CEP85: variants seen among roughly 807,000 people sequenced by gnomAD.
CEP85 encodes the protein centrosomal protein of 85 kDa.
A neutral mutation model predicts 93.7 loss-of-function variants in CEP85; 58 were observed. That is an observed-to-expected ratio of 0.62 (90% CI 0.50 to 0.77). The LOEUF is 0.77. Among genes scored for constraint, CEP85 ranks in the 30% least tolerant of loss-of-function variants. The pLI is 0.00. For missense variants in CEP85, 868 were observed against 922.0 expected, an observed-to-expected ratio of 0.94 and a Z score of 0.76; for synonymous variants, 314 against 338.6, an observed-to-expected ratio of 0.93 and a Z score of 0.80.
chr1:26,244,868 C>T (rs2089485792), intron 3 of CEP85, among the ~76,000 whole-genome samples: 1 of 152,110 alleles, frequency 6.6e-6, no homozygotes, highest in East Asian at 1.9e-4. Context: ...GTCTTTCCCT[C>T]TGCTGCCAGA....
At chr1:26,245,116 C>T (rs966978548) in intron 3 of CEP85, among the ~76,000 whole-genome samples, 2 of 151,664 alleles carry the variant, frequency 1.3e-5, no homozygotes, top group East Asian at 1.9e-4. Context: ...TGCCATCATG[C>T]TCACTGCAGC....
intron 2 of CEP85, among the ~76,000 whole-genome samples, chr1:26,242,107 A>G (rs2124560273): frequency 6.6e-6 from 1 of 152,288 alleles, no homozygotes; most frequent in Middle Eastern, 3.4e-3. Context: ...GTAAACCTCT[A>G]TAAATATACC....
rs1490686583 is a variant in CEP85, at chr1:26,257,587, TG to T, written c.904-9del. 6.2e-7 allele frequency: 1 copy of T among 1,613,860 alleles called. No individual in the cohort carries two copies. Among genetic ancestry groups the T allele is most frequent in the African/African-American group, 1.3e-5 (1 of 74,934 alleles). ...AAGATCAAGCTCATCTGGGCCTACT[TG>T]CCTTTCAGCTTCAGAATGGAGCCAT... On this transcript the variant is annotated splice_polypyrimidine_tract_variant and intron_variant, in intron 4 of 13. Coordinates refer to ENST00000451429, the MANE Select transcript of CEP85 (RefSeq NM_001319944.2).
intron 12 of CEP85, 54 bp downstream of exon 12, chr1:26,275,125 T>G: frequency 7.4e-7 from 1 of 1,344,938 alleles, no homozygotes; most frequent in Non-Finnish European, 1.0e-6. Flanking sequence ...CCGATTTCTT[T>G]GTTTGCCCTC....
intron 7 of CEP85, among the ~76,000 whole-genome samples, chr1:26,266,715 T>C (rs1226907243): frequency 1.3e-5 from 2 of 152,264 alleles, no homozygotes; most frequent in African/African-American, 4.8e-5. Context: ...TGCATCACTT[T>C]TTCTGTTTTC....
intron 3 of CEP85, among the ~76,000 whole-genome samples, chr1:26,246,466 G>C (rs2089510184): frequency 6.6e-6 from 1 of 152,148 alleles, no homozygotes; most frequent in Non-Finnish European, 1.5e-5. Context: ...AGATGTAGGG[G>C]CTGATGTCTA....
chr1:26,258,297 AT>A (rs769736092), intron 6 of CEP85, 37 bp downstream of exon 6: 1 of 1,362,832 alleles, frequency 7.3e-7, no homozygotes, highest in Non-Finnish European at 1.1e-6. Context: ...TCTGTTTGTC[AT>A]AACTCGGTGT....
intron 8 of CEP85, 121 bp downstream of exon 8, chr1:26,268,756 C>T: frequency 2.0e-6 from 2 of 1,019,060 alleles, no homozygotes; most frequent in African/African-American, 1.7e-5. Context: ...CCAAAGCAGT[C>T]ATGTCCAGAT....
In CEP85 at chr1:26,275,021, G is replaced by A; in HGVS notation, c.1852G>A (p.Ala618Thr). 1 of 1,587,376 alleles carries A rather than the reference G, an allele frequency of 6.3e-7. No individual in the cohort carries two copies. Among genetic ancestry groups the A allele is most frequent in the Non-Finnish European group, 8.6e-7 (1 of 1,166,782 alleles). ...AACAAGCCAGGCCCTGAGAGAGGAG[G>A]CCCAGCGAAGGGATTCAGCCCTGCA... ...EGTSQALREEAQRRDSALQQL... is the reference protein window; with the variant it reads ...EGTSQALREETQRRDSALQQL... The change falls in exon 12 of 14, where the codon GCC (alanine) becomes ACC (threonine). Residue 618 changes from alanine (A) to threonine (T), a missense_variant. By Grantham distance (58) the Ala-to-Thr change is moderately conservative (BLOSUM62 0). Coordinates refer to ENST00000451429, the MANE Select transcript of CEP85 (RefSeq NM_001319944.2).
intron 1 of CEP85, among the ~76,000 whole-genome samples, chr1:26,234,986 C>T (rs1357037122): frequency 6.6e-6 from 1 of 152,130 alleles, no homozygotes; most frequent in Non-Finnish European, 1.5e-5. Context: ...TGTAGGACGC[C>T]CCCAACAACA....
intron 13 of CEP85, 92 bp from the exon 14 acceptor site, chr1:26,277,042 CTG>C: frequency 3.9e-6 from 5 of 1,297,850 alleles, no homozygotes; most frequent in South Asian, 2.6e-5. Context: ...TGTCCCAAGA[CTG>C]TGGGTTCAAG....
intron 9 of CEP85, 132 bp from the exon 10 acceptor site, chr1:26,270,882 G>C (rs1166797492): frequency 1.6e-6 from 1 of 608,222 alleles, no homozygotes; most frequent in African/African-American, 1.8e-5. Context: ...TATTACAGCA[G>C]ACCCAAGTAT....
intron 2 of CEP85, among the ~76,000 whole-genome samples, chr1:26,241,243 A>ATTTTTTTTT (rs1433524136): frequency 0.022 from 1,374 of 61,734 alleles, no homozygotes; most frequent in African/African-American, 0.029. Flanking sequence ...CATTCAGCAG[A>ATTTTTTTTT]ATTTTTTTTT....
intron 6 of CEP85, among the ~76,000 whole-genome samples, chr1:26,259,078 G>A (rs1425148550): frequency 6.6e-6 from 1 of 152,166 alleles, no homozygotes; most frequent in Non-Finnish European, 1.5e-5. Flanking sequence ...ACCTAATTAA[G>A]GCAGTATCCT....
At chr1:26,272,264 T>A in intron 11 of CEP85, 193 bp downstream of exon 11, 1 of 606,786 alleles carries the variant, frequency 1.6e-6, no homozygotes, top group Non-Finnish European at 3.0e-6. Context: ...CACAGTACTG[T>A]GAGAGCAGTC....
At chr1:26,277,103 A>G (rs1018783049) in intron 13 of CEP85, 33 bp from the exon 14 acceptor site, 4 of 1,603,304 alleles carry the variant, frequency 2.5e-6, no homozygotes, top group South Asian at 1.1e-5. Flanking sequence ...TCTCATAACT[A>G]ACATTCTCTT....
chr1:26,274,092 A>G (rs937361154), intron 11 of CEP85, among the ~76,000 whole-genome samples: 3 of 152,060 alleles, frequency 2.0e-5, no homozygotes, highest in Non-Finnish European at 4.4e-5. Context: ...ATCAGTTTCA[A>G]AATTTGAGGA....
At chr1:26,251,817 G>A (rs2089621520) in intron 3 of CEP85, among the ~76,000 whole-genome samples, 1 of 152,154 alleles carries the variant, frequency 6.6e-6, no homozygotes, top group South Asian at 2.1e-4. Context: ...GTATTGCAAA[G>A]TTCATGGTAG....
intron 7 of CEP85, among the ~76,000 whole-genome samples, chr1:26,262,615 T>TA (rs1266067142): frequency 6.6e-6 from 1 of 152,158 alleles, no homozygotes. Flanking sequence ...CCACAGATGA[T>TA]AGAGAAGCTT....
Sources: gnomAD v4.1 joint callset for allele counts (sites outside exome capture counted in the v4.1 genomes callset) on GRCh38, gnomAD v4.1.1 for gene constraint, MANE v1.5 for transcripts, NCBI Gene and HGNC (gene_info 2026-07-23, HGNC 2026-07-21) for gene names.